Variants in HIVEP3 observed in about 807,000 individuals in gnomAD.
HIVEP3 encodes transcription factor HIVEP3.
A neutral mutation model predicts 152.8 loss-of-function variants in HIVEP3; 49 were observed. That is an observed-to-expected ratio of 0.32 (90% CI 0.26 to 0.41). The LOEUF is 0.41. HIVEP3 is among the 10% of genes least tolerant of loss of function. The pLI is 1.00. For synonymous variants in HIVEP3, 1,269 were observed against 1,289.0 expected (o/e 0.98, Z 0.33); for missense variants, 2,790 against 3,103.3 (o/e 0.90, Z 2.40).
intron 1 of HIVEP3, among the ~76,000 whole-genome samples, chr1:41,963,344 G>A (rs1645179701): frequency 6.6e-6 from 1 of 152,122 alleles, no homozygotes; most frequent in Non-Finnish European, 1.5e-5. Context: ...ATGTCCCCTG[G>A]AGGCAAAATC....
intron 1 of HIVEP3, among the ~76,000 whole-genome samples, chr1:41,803,304 A>G (rs1446411297): frequency 2.6e-5 from 4 of 152,186 alleles, no homozygotes; most frequent in Non-Finnish European, 5.9e-5. Context: ...CAGGCGAAAA[A>G]GTCTTGCAAT....
intron 3 of HIVEP3, among the ~76,000 whole-genome samples, chr1:41,600,184 A>C (rs182174656): frequency 6.6e-5 from 10 of 152,362 alleles, no homozygotes; most frequent in Non-Finnish European, 1.0e-4. Context: ...AAAAAATAGA[A>C]TTACCATCTA....
intron 1 of HIVEP3, among the ~76,000 whole-genome samples, chr1:41,766,763 C>A (rs916252895): frequency 6.6e-6 from 1 of 152,216 alleles, no homozygotes; most frequent in Admixed American, 6.5e-5. Flanking sequence ...CCATTCTCCA[C>A]TAGGCTTGGA....
intron 1 of HIVEP3, chr1:41,849,064 C>T (rs1643521674): frequency 6.6e-6 from 1 of 152,350 alleles, no homozygotes; most frequent in East Asian, 1.9e-4. Context: ...GAGTGGGCAA[C>T]ACAGGAACAA....
intron 1 of HIVEP3, among the ~76,000 whole-genome samples, chr1:42,034,075 A>T (rs1458241779): frequency 6.6e-6 from 1 of 152,252 alleles, no homozygotes. Context: ...ATTAAAACAT[A>T]GGCTGGCAAA....
intron 1 of HIVEP3, among the ~76,000 whole-genome samples, chr1:41,838,959 C>G (rs1388299319): frequency 2.6e-5 from 4 of 152,202 alleles, no homozygotes; most frequent in Admixed American, 2.6e-4. Flanking sequence ...GTGTTAATAG[C>G]TGACAACTGG....
intron 1 of HIVEP3, among the ~76,000 whole-genome samples, chr1:41,907,217 C>T (rs922563958): frequency 1.3e-4 from 20 of 152,196 alleles, no homozygotes; most frequent in African/African-American, 4.8e-4. Flanking sequence ...CCAAGAAAAA[C>T]ATGTTCCTTC....
chr1:41,919,727 T>G (rs905870777), upstream of HIVEP3, among the ~76,000 whole-genome samples: 13 of 152,262 alleles, frequency 8.5e-5, no homozygotes, highest in South Asian at 1.0e-3. Context: ...GCCTAAATTT[T>G]TTTGAAAAAA....
chr1:42,022,202 C>T (rs1645558495), intron 1 of HIVEP3, among the ~76,000 whole-genome samples: 1 of 152,168 alleles, frequency 6.6e-6, no homozygotes. Flanking sequence ...CACTACTATT[C>T]TTTCTCAGAA....
Position 41,551,027 on chromosome 1 carries a change from C to CT in HIVEP3, c.5207+24516dup, listed in dbSNP as rs549462388. ...GGCTGTGGGTTTGTCATAAATAGCTCTTATTATTTTGAGATATGTTCCATC... is the reference window on the plus strand; with the variant it reads ...GGCTGTGGGTTTGTCATAAATAGCTCTTTATTATTTTGAGATATGTTCCATC... On this transcript the variant is annotated intron_variant, in intron 5 of 8. Transcript: ENST00000372583. 3.7e-3 allele frequency among the ~76,000 whole-genome samples: 564 copies of CT among 152,164 alleles called. 9 individuals are homozygous for CT. Among genetic ancestry groups the CT allele is most frequent in the African/African-American group, 0.013 (548 of 41,516 alleles).
At chr1:41,726,516 G>A (rs1011905175) in intron 1 of HIVEP3, among the ~76,000 whole-genome samples, 6 of 152,190 alleles carry the variant, frequency 3.9e-5, no homozygotes, top group Admixed American at 3.3e-4. Context: ...CCTTTTGAGC[G>A]TGGAGGGGTT....
intron 7 of HIVEP3, among the ~76,000 whole-genome samples, chr1:41,517,405 G>T (rs911946861): frequency 1.3e-5 from 2 of 152,186 alleles, no homozygotes; most frequent in Admixed American, 6.5e-5. Flanking sequence ...CTAGCTTTGG[G>T]GGGGAACAGC....
chr1:41,910,261 A>G (rs572511815), intron 1 of HIVEP3, among the ~76,000 whole-genome samples: 1 of 152,128 alleles, frequency 6.6e-6, no homozygotes, highest in South Asian at 2.1e-4. Context: ...GAACATTAAA[A>G]AATAACAGCA....
chr1:41,706,056 A>G (rs1216096759), intron 1 of HIVEP3, among the ~76,000 whole-genome samples: 2 of 152,220 alleles, frequency 1.3e-5, no homozygotes, highest in Non-Finnish European at 2.9e-5. Context: ...GTACAGCTAT[A>G]TCAGAGGTTG....
intron 1 of HIVEP3, among the ~76,000 whole-genome samples, chr1:41,734,370 T>C (rs1395340963): frequency 1.3e-5 from 2 of 152,186 alleles, no homozygotes; most frequent in Non-Finnish European, 2.9e-5. Context: ...TGGCCCAGCG[T>C]TTGGCCCAGG....
At chr1:42,033,625 T>C (rs777131005) in intron 1 of HIVEP3, among the ~76,000 whole-genome samples, 1 of 152,230 alleles carries the variant, frequency 6.6e-6, no homozygotes, top group African/African-American at 2.4e-5. Flanking sequence ...CAATGAGGAA[T>C]TGAAAGGGAA....
At chr1:41,759,629 C>T (rs1424607023) in intron 1 of HIVEP3, among the ~76,000 whole-genome samples, 1 of 152,312 alleles carries the variant, frequency 6.6e-6, no homozygotes, top group East Asian at 1.9e-4. Flanking sequence ...AGGTTTTCCA[C>T]CCACACTCAC....
chr1:41,623,636 A>G (rs1645076484), intron 3 of HIVEP3, among the ~76,000 whole-genome samples: 1 of 151,770 alleles, frequency 6.6e-6, no homozygotes, highest in South Asian at 2.1e-4. Context: ...GGGAGTCAGG[A>G]CTCCTGGGTT....
intron 5 of HIVEP3, among the ~76,000 whole-genome samples, chr1:41,546,598 A>G (rs1424561393): frequency 6.6e-6 from 1 of 152,214 alleles, no homozygotes; most frequent in African/African-American, 2.4e-5. Context: ...GAGCAGACAA[A>G]GGCCTTGCCC....
Sources: gnomAD v4.1 joint callset for allele counts (sites outside exome capture counted in the v4.1 genomes callset) on GRCh38, gnomAD v4.1.1 for gene constraint, MANE v1.5 for transcripts, NCBI Gene and HGNC (gene_info 2026-07-23, HGNC 2026-07-21) for gene names.